The following NKAIN3 variants were observed in gnomAD, a reference collection of about 807,000 sequenced individuals.
The protein encoded by NKAIN3 is sodium/potassium-transporting ATPase subunit beta-1-interacting protein 3.
A neutral mutation model predicts 30.2 loss-of-function variants in NKAIN3; 25 were observed. That is an observed-to-expected ratio of 0.83 (90% CI 0.60 to 1.16). The LOEUF is 1.16. NKAIN3 is among the 50% of genes most tolerant of loss of function. The probability of loss-of-function intolerance (pLI) is 0.00; values close to 1 mark genes in which losing one functional copy is unlikely to be tolerated. For synonymous variants in NKAIN3, 91 were observed against 89.6 expected, an observed-to-expected ratio of 1.02 and a Z score of -0.09; for missense variants, 225 against 254.1, an observed-to-expected ratio of 0.89 and a Z score of 0.78.
chr8:62,757,413 C>T (rs540139347), intron 4 of NKAIN3, among the ~76,000 whole-genome samples: 1 of 152,196 alleles, frequency 6.6e-6, no homozygotes, highest in African/African-American at 2.4e-5. Context: ...TTCAGCGAAA[C>T]ATATTCAGAA....
intron 4 of NKAIN3, among the ~76,000 whole-genome samples, chr8:62,917,419 C>T (rs1018449878): frequency 6.6e-6 from 1 of 152,212 alleles, no homozygotes; most frequent in Non-Finnish European, 1.5e-5. Flanking sequence ...TCTCCTAAGA[C>T]CTCACCCTAA....
At chr8:62,424,262 T>A (rs1804731842) in intron 1 of NKAIN3, among the ~76,000 whole-genome samples, 1 of 151,924 alleles carries the variant, frequency 6.6e-6, no homozygotes, top group Admixed American at 6.6e-5. Context: ...AGGCAAAAAT[T>A]TCTTGGATAT....
chr8:62,626,658 T>C (rs1480890724), intron 3 of NKAIN3, among the ~76,000 whole-genome samples: 1 of 152,110 alleles, frequency 6.6e-6, no homozygotes, highest in Non-Finnish European at 1.5e-5. Context: ...TGTGCCTCAG[T>C]GTTTTCATCT....
chr8:62,616,839 A>G (rs1586013073), intron 3 of NKAIN3, among the ~76,000 whole-genome samples: 4 of 152,242 alleles, frequency 2.6e-5, no homozygotes, highest in Admixed American at 2.6e-4. Context: ...TAAACTCGGC[A>G]ATATAGTTTG....
At chr8:62,387,318 C>T (rs150333928) in intron 1 of NKAIN3, among the ~76,000 whole-genome samples, 2,154 of 148,622 alleles carry the variant, frequency 0.014, 29 homozygotes, top group Non-Finnish European at 0.019. Flanking sequence ...GTTGTTATCT[C>T]AAACACAGAG....
At chr8:62,855,302 G>A in intron 4 of NKAIN3, 1 of 530,922 alleles carries the variant, frequency 1.9e-6, no homozygotes. Context: ...CACAGCCTCT[G>A]GTCAGGCCTG....
rs1333105386 is a variant in NKAIN3, at chr8:62,789,142, A to T, written c.471+42013A>T. On this transcript the variant is annotated intron_variant, in intron 4 of 6. Transcript: ENST00000623646. The stretch of plus-strand genomic sequence containing the variant: ...CTTGGGCAGTATGGCCATTTTCACA[A>T]TATTGATTCTTCCTACCCATGAGCA... Among the ~76,000 whole-genome samples the T allele has an allele frequency of 5.3e-5, 8 of 151,982 alleles. No individual in the cohort carries two copies. In the East Asian group the frequency reaches 1.5e-3, roughly 29 times the overall value.
rs971292206 is a variant in NKAIN3 at position 62,530,692 on chromosome 8, G to T, written c.55-48847G>T. Among the ~76,000 whole-genome samples, 9 of 152,104 alleles carry T rather than the reference G, an allele frequency of 5.9e-5. No homozygotes were observed. In the South Asian group the frequency reaches 1.2e-3, roughly 21 times the overall value. The stretch of plus-strand genomic sequence containing the variant: ...TTGATCTTGTTGCCCAAGCCAGAGT[G>T]CAATGGCATGATCTCAGCTCACTGC... On this transcript the variant is annotated intron_variant, in intron 1 of 6. Transcript: ENST00000623646.
chr8:62,918,429 G>A (rs772721497), intron 4 of NKAIN3, 24 bp from the exon 5 acceptor site: 3 of 1,575,442 alleles, frequency 1.9e-6, no homozygotes, highest in Non-Finnish European at 2.6e-6. Flanking sequence ...GATTCTTAAG[G>A]TACACATTTT....
intron 1 of NKAIN3, among the ~76,000 whole-genome samples, chr8:62,265,209 T>A (rs550453318): frequency 1.3e-5 from 2 of 152,240 alleles, no homozygotes; most frequent in Admixed American, 1.3e-4. Flanking sequence ...AGTACACGTA[T>A]CCTTCTTTCT....
chr8:62,317,142 T>G (rs1355826347), intron 1 of NKAIN3, among the ~76,000 whole-genome samples: 10 of 152,218 alleles, frequency 6.6e-5, no homozygotes, highest in African/African-American at 2.4e-4. Context: ...TCTTGTAAAT[T>G]TGTTTGATTT....
chr8:62,373,275 A>G (rs1397810303), intron 1 of NKAIN3, among the ~76,000 whole-genome samples: 1 of 152,212 alleles, frequency 6.6e-6, no homozygotes. Flanking sequence ...TAGCTGTACC[A>G]TCAAATGAAT....
intron 3 of NKAIN3, among the ~76,000 whole-genome samples, chr8:62,730,764 T>A (rs1815439527): frequency 6.6e-6 from 1 of 152,196 alleles, no homozygotes; most frequent in Non-Finnish European, 1.5e-5. Flanking sequence ...ATATACAATT[T>A]CTTACTGCAA....
intron 4 of NKAIN3, among the ~76,000 whole-genome samples, chr8:62,883,457 G>GT (rs71559381): frequency 0.056 from 3,903 of 70,222 alleles, 341 homozygotes; most frequent in Middle Eastern, 0.18. Flanking sequence ...AGTTTTATGG[G>GT]TTTTTTTTTT....
At chr8:62,510,797 G>A (rs1351349934) in intron 1 of NKAIN3, among the ~76,000 whole-genome samples, 2 of 152,058 alleles carry the variant, frequency 1.3e-5, no homozygotes, top group Non-Finnish European at 2.9e-5. Context: ...AAATCCCATG[G>A]TCAGCTTTTA....
chr8:62,767,078 A>G (rs1816861772), intron 4 of NKAIN3, among the ~76,000 whole-genome samples: 1 of 152,108 alleles, frequency 6.6e-6, no homozygotes, highest in African/African-American at 2.4e-5. Context: ...CTAACTTTTT[A>G]TAATAGTACC....
chr8:62,934,120 C>A (rs763564144), intron 5 of NKAIN3, among the ~76,000 whole-genome samples: 1 of 152,086 alleles, frequency 6.6e-6, no homozygotes, highest in Non-Finnish European at 1.5e-5. Flanking sequence ...TGTGGTGACA[C>A]GCACCTGTAA....
intron 3 of NKAIN3, among the ~76,000 whole-genome samples, chr8:62,646,253 G>T (rs571106543): frequency 1.3e-5 from 2 of 151,918 alleles, no homozygotes; most frequent in Non-Finnish European, 2.9e-5. Context: ...CAATTAAGAG[G>T]TTTAAATAAA....
intron 4 of NKAIN3, among the ~76,000 whole-genome samples, chr8:62,844,565 T>C (rs1480116): frequency 0.87 from 131,826 of 152,140 alleles, 57,338 homozygotes; most frequent in African/African-American, 0.93. Flanking sequence ...ACTCCATTGC[T>C]TCACAAGATA....
Sources: gnomAD v4.1 joint callset for allele counts (sites outside exome capture counted in the v4.1 genomes callset) on GRCh38, gnomAD v4.1.1 for gene constraint, MANE v1.5 for transcripts, NCBI Gene and HGNC (gene_info 2026-07-23, HGNC 2026-07-21) for gene names.